The following TYW5 variants were observed in gnomAD, a reference collection of about 807,000 sequenced individuals.
TYW5 encodes tRNA wybutosine-synthesizing protein 5.
A neutral mutation model predicts 44.4 loss-of-function variants in TYW5; 36 were observed. That is an observed-to-expected ratio of 0.81 (90% CI 0.62 to 1.07). TYW5 has a LOEUF of 1.07. Ranked by LOEUF, TYW5 falls within the 50% of genes least tolerant of loss-of-function variation. The pLI, the probability that TYW5 is intolerant of heterozygous loss-of-function variation, is 0.00. For synonymous variants in TYW5, 121 were observed against 128.1 expected, an observed-to-expected ratio of 0.94 and a Z score of 0.37; for missense variants, 354 against 365.7, an observed-to-expected ratio of 0.97 and a Z score of 0.26.
Position 199,932,198 on chromosome 2 carries a change from G to A in TYW5, c.*869C>T, listed in dbSNP as rs2077383740. ...CTGATTATGCATCAGAACACCCTGTGAGGTCTATTAAGTTCCTATACCAAA... is the reference window on the plus strand; with the variant it reads ...CTGATTATGCATCAGAACACCCTGTAAGGTCTATTAAGTTCCTATACCAAA... On this transcript the variant is annotated 3_prime_UTR_variant, in exon 8 of 8. Coordinates refer to ENST00000354611, the MANE Select transcript of TYW5 (RefSeq NM_001039693.3). 1 of 152,126 alleles carries A rather than the reference G, an allele frequency of 6.6e-6. No homozygotes were observed. The highest frequency in any genetic ancestry group is 2.4e-5 in the African/African-American group (1 of 41,424). The allele number at this position is 152,126 out of a possible 1,614,324, so 9.4% of individuals were successfully genotyped here. A position where few individuals can be genotyped will look rare whatever the true frequency, so the allele number is the denominator to read the frequency against.
intron 4 of TYW5, 46 bp downstream of exon 4, chr2:199,940,043 C>A: frequency 6.4e-7 from 1 of 1,554,386 alleles, no homozygotes; most frequent in Non-Finnish European, 8.9e-7. Context: ...AACATACATA[C>A]ATCCATTTAG....
At chr2:199,951,929 A>G (rs186222639) in intron 1 of TYW5, among the ~76,000 whole-genome samples, 1 of 152,060 alleles carries the variant, frequency 6.6e-6, no homozygotes, top group African/African-American at 2.4e-5. Flanking sequence ...AGGCAGGAGA[A>G]TGGCATGAAC....
chr2:199,953,502 AAC>A (rs879911162), intron 1 of TYW5, among the ~76,000 whole-genome samples: 8 of 152,276 alleles, frequency 5.3e-5, no homozygotes, highest in Non-Finnish European at 8.8e-5. Context: ...GCCTCGAAAA[AAC>A]AGTCTATTTT....
At chr2:199,947,302 C>T (rs1156254237) in intron 2 of TYW5, 1 of 152,218 alleles carries the variant, frequency 6.6e-6, no homozygotes, top group African/African-American at 2.4e-5. Flanking sequence ...GGGAACTTCA[C>T]ATGCTCAGAG....
At chr2:199,948,202 C>T in intron 2 of TYW5, 116 bp downstream of exon 2, 2 of 1,061,410 alleles carry the variant, frequency 1.9e-6, no homozygotes, top group South Asian at 3.2e-5. Context: ...TCCATGATTA[C>T]ATCAAACCAG....
At chr2:199,939,392 C>T (rs1345935222) in intron 4 of TYW5, among the ~76,000 whole-genome samples, 2 of 152,180 alleles carry the variant, frequency 1.3e-5, no homozygotes, top group African/African-American at 2.4e-5. Flanking sequence ...CATGGGGCCA[C>T]CTTGCCTGGC....
chr2:199,952,048 G>C (rs1371125055), intron 1 of TYW5, among the ~76,000 whole-genome samples: 1 of 151,676 alleles, frequency 6.6e-6, no homozygotes, highest in East Asian at 1.9e-4. Context: ...ATATATCCTA[G>C]AAATCACCAC....
intron 1 of TYW5, among the ~76,000 whole-genome samples, 185 bp from the exon 2 acceptor site, chr2:199,948,657 G>A (rs1193077077): frequency 6.6e-6 from 1 of 152,064 alleles, no homozygotes; most frequent in Admixed American, 6.5e-5. Flanking sequence ...GAAATATCTA[G>A]AACAAAATTT....
rs779813122 is a variant in TYW5, at chr2:199,948,413, C to T, written c.138G>A (p.Val46=). The T allele has an allele frequency of 2.2e-5, 36 of 1,614,006 alleles. No individual in the cohort carries two copies. The highest frequency in any genetic ancestry group is 2.9e-5 in the Non-Finnish European group (34 of 1,180,016). Residue 46 remains valine (V), a synonymous_variant, in exon 2 of 8, where the codon GTG becomes GTA. Transcript: ENST00000354611. ...TCCCTCCAACTTGGCTTAGGTAATCCACTGTCCATTTGCTTGTACATGGCC... is the reference window on the plus strand; with the variant it reads ...TCCCTCCAACTTGGCTTAGGTAATCTACTGTCCATTTGCTTGTACATGGCC... The part of the protein sequence containing the change: ...DLGPCTSKWT[V]DYLSQVGGKK...
intron 2 of TYW5, chr2:199,946,825 T>C (rs2077507506): frequency 1.3e-5 from 2 of 152,186 alleles, no homozygotes; most frequent in Non-Finnish European, 2.9e-5. Flanking sequence ...TTAGTAGCTC[T>C]AGTGAAAGGC....
At chr2:199,943,926 G>T in intron 2 of TYW5, 92 bp from the exon 3 acceptor site, 1 of 810,398 alleles carries the variant, frequency 1.2e-6, no homozygotes, top group Non-Finnish European at 1.9e-6. Context: ...GCTGGAGTTG[G>T]ATATAATCTC....
rs2077374755 is a variant in TYW5 at position 199,931,202 on chromosome 2, T to C, written c.*1865A>G. The C allele has an allele frequency of 6.6e-6, 1 of 152,216 alleles. No individual in the cohort carries two copies. Among genetic ancestry groups the C allele is most frequent in the Non-Finnish European group, 1.5e-5 (1 of 68,026 alleles). The allele number at this position is 152,216 out of a possible 1,614,324, so 9.4% of individuals were successfully genotyped here. On this transcript the variant is annotated 3_prime_UTR_variant, in exon 8 of 8. Transcript: ENST00000354611. ...TAGCACCAGTTATCAACTATGTGCCTGCCCTTGAACTCTCTGCATTTTTGT... is the reference window on the plus strand; with the variant it reads ...TAGCACCAGTTATCAACTATGTGCCCGCCCTTGAACTCTCTGCATTTTTGT...
At chr2:199,944,850 ACT>A (rs1410897512) in intron 2 of TYW5, 1 of 152,184 alleles carries the variant, frequency 6.6e-6, no homozygotes, top group Admixed American at 6.5e-5. Context: ...TTCTCCTTGC[ACT>A]GTTTTCCCAG....
chr2:199,952,765 A>G (rs1260561684), intron 1 of TYW5, among the ~76,000 whole-genome samples: 1 of 152,228 alleles, frequency 6.6e-6, no homozygotes, highest in African/African-American at 2.4e-5. Flanking sequence ...ATTTTCTACT[A>G]GCACTTGTGT....
chr2:199,951,521 T>C lies in TYW5; in HGVS notation c.79-3049A>G, dbSNP rs2077544686. 2.0e-5 allele frequency among the ~76,000 whole-genome samples: 3 copies of C among 152,312 alleles called. No homozygotes were observed. In the South Asian group the frequency reaches 6.2e-4, roughly 32 times the overall value. ...TCCATGTGATTCCCCAAATCAAAAC[T>C]ATACAAAAGTCACCCCATCCACATT... On this transcript the variant is annotated intron_variant, in intron 1 of 7. Transcript: ENST00000354611.
intron 2 of TYW5, chr2:199,946,009 A>G (rs1574805310): frequency 6.6e-6 from 1 of 152,216 alleles, no homozygotes; most frequent in Non-Finnish European, 1.5e-5. Context: ...AATGTCAAAG[A>G]AGGCTTAATC....
chr2:199,954,406 C>T (rs756046273), intron 1 of TYW5, among the ~76,000 whole-genome samples: 3 of 151,880 alleles, frequency 2.0e-5, no homozygotes, highest in African/African-American at 4.8e-5. Flanking sequence ...CCAGCCCATC[C>T]GACTTTTGTA....
intron 1 of TYW5, among the ~76,000 whole-genome samples, chr2:199,948,689 A>C (rs2077521599): frequency 6.6e-6 from 1 of 152,160 alleles, no homozygotes; most frequent in Admixed American, 6.5e-5. Context: ...AAACAAAACA[A>C]AACTGCAAGA....
chr2:199,948,334 T>C lies in TYW5; in HGVS notation c.217A>G (p.Lys73Glu), dbSNP rs767521488. The change falls in exon 2 of 8, where the codon AAG (lysine) becomes GAG (glutamate). Residue 73 changes from lysine (K) to glutamate (E), a missense_variant. Transcript: ENST00000354611. The stretch of plus-strand genomic sequence containing the variant: ...AGAAAATACCTATATACAAAGTTCT[T>C]ACTAATGAAGTCCATCTGTGCAACT... ...AAVAQMDFIS[K>E]NFVYRTLPFD... The C allele has an allele frequency of 4.3e-6, 7 of 1,614,158 alleles. No homozygotes were observed. The highest frequency in any genetic ancestry group is 5.9e-6 in the Non-Finnish European group (7 of 1,180,014).
Sources: allele counts gnomAD v4.1 joint callset (sites outside exome capture counted in the v4.1 genomes callset), GRCh38; gene constraint gnomAD v4.1.1; transcripts MANE v1.5; gene names NCBI Gene and HGNC (gene_info 2026-07-23, HGNC 2026-07-21).